ADCY8: variants seen among roughly 807,000 people sequenced by gnomAD.
ADCY8 encodes adenylate cyclase 8, also known as adenylate cyclase type 8.
In ADCY8, 51 loss-of-function variants were observed where a neutral mutation model predicts 119.7. The ratio of observed to expected loss-of-function variants is 0.43; its 90% CI spans 0.34 to 0.54. The LOEUF is 0.54. Among genes scored for constraint, ADCY8 ranks in the 20% least tolerant of loss-of-function variants. ADCY8 has a pLI of 0.03. For missense variants in ADCY8, 1,383 were observed against 1,598.8 expected (o/e 0.87, Z 2.30); for synonymous variants, 665 against 651.0 (o/e 1.02, Z -0.33).
chr8:130,968,315 G>A (rs1276189410), intron 2 of ADCY8, among the ~76,000 whole-genome samples: 4 of 151,946 alleles, frequency 2.6e-5, no homozygotes, highest in South Asian at 4.2e-4. Flanking sequence ...GACTACAGGC[G>A]CCCACCACCA....
chr8:130,928,157 A>C (rs1820528158), intron 5 of ADCY8, among the ~76,000 whole-genome samples: 1 of 152,196 alleles, frequency 6.6e-6, no homozygotes, highest in African/African-American at 2.4e-5. Context: ...CAGCAACCTC[A>C]AATTCCTGGG....
At chr8:130,923,421 G>A (rs932859004) in intron 5 of ADCY8, among the ~76,000 whole-genome samples, 1 of 152,198 alleles carries the variant, frequency 6.6e-6, no homozygotes, top group Non-Finnish European at 1.5e-5. Context: ...TTGGCAGGGT[G>A]ACCCTGCCAC....
intron 12 of ADCY8, among the ~76,000 whole-genome samples, chr8:130,822,537 TC>T (rs1295096751): frequency 1.0e-3 from 19 of 18,440 alleles, no homozygotes; most frequent in East Asian, 1.9e-3. Context: ...AATCCATGAA[TC>T]CATCCATCCA....
chr8:130,886,399 A>G (rs1818984983), intron 7 of ADCY8, among the ~76,000 whole-genome samples: 1 of 152,034 alleles, frequency 6.6e-6, no homozygotes, highest in African/African-American at 2.4e-5. Flanking sequence ...GCCAGAACCA[A>G]TGTTCTGGAG....
chr8:130,917,998 A>C (rs1455590561), intron 5 of ADCY8, among the ~76,000 whole-genome samples: 1 of 152,070 alleles, frequency 6.6e-6, no homozygotes, highest in Non-Finnish European at 1.5e-5. Flanking sequence ...AAAACCCCAA[A>C]CATTCTGGGT....
In ADCY8 at chr8:130,959,535, A is replaced by G. The variant is rs144897068; in HGVS notation, c.1111-7537T>C. Among the ~76,000 whole-genome samples the G allele has an allele frequency of 2.6e-5, 4 of 152,372 alleles. No homozygotes were observed. The East Asian group carries it at 5.8e-4, about 22-fold the overall frequency. ...AGACCAAGCAAGACATGAAGGCTGC[A>G]TGGTCTGGCAGGATAGTTGAGGTAG... On this transcript the variant is annotated intron_variant, in intron 2 of 17. Transcript: ENST00000286355.
At chr8:131,030,618 C>T (rs965612439) in intron 1 of ADCY8, among the ~76,000 whole-genome samples, 2 of 152,124 alleles carry the variant, frequency 1.3e-5, no homozygotes, top group African/African-American at 4.8e-5. Context: ...TCACAAATTC[C>T]CTACCCAAAT....
chr8:130,846,523 C>A (rs1817300942), intron 11 of ADCY8, among the ~76,000 whole-genome samples: 1 of 141,474 alleles, frequency 7.1e-6, no homozygotes, highest in African/African-American at 2.8e-5. Context: ...TCTCTCCCTC[C>A]CTCCCTCCCT....
intron 11 of ADCY8, among the ~76,000 whole-genome samples, chr8:130,842,997 G>C (rs1423684479): frequency 6.6e-6 from 1 of 150,760 alleles, no homozygotes; most frequent in Non-Finnish European, 1.5e-5. Flanking sequence ...AGTAATCTTT[G>C]ATTGGGTGCC....
intron 14 of ADCY8, among the ~76,000 whole-genome samples, chr8:130,813,092 C>T (rs892061903): frequency 4.6e-5 from 7 of 151,970 alleles, no homozygotes; most frequent in Admixed American, 1.3e-4. Context: ...GGATTACAGG[C>T]GCCTGCCCCC....
At chr8:131,027,935 G>T (rs1823871282) in intron 1 of ADCY8, among the ~76,000 whole-genome samples, 1 of 152,196 alleles carries the variant, frequency 6.6e-6, no homozygotes, top group Non-Finnish European at 1.5e-5. Context: ...ATGCTGTAGA[G>T]ACTTAACAGT....
At chr8:130,829,657 TA>T (rs1280151029) in intron 12 of ADCY8, among the ~76,000 whole-genome samples, 2 of 152,182 alleles carry the variant, frequency 1.3e-5, no homozygotes, top group Non-Finnish European at 2.9e-5. Context: ...GTTGGTTGTT[TA>T]AAAAGAAGGA....
At chr8:131,012,541 G>A (rs550364360) in intron 1 of ADCY8, among the ~76,000 whole-genome samples, 89 of 152,344 alleles carry the variant, frequency 5.8e-4, no homozygotes, top group Non-Finnish European at 1.1e-3. Flanking sequence ...GGGGTGCACC[G>A]TGGTGGATCC....
chr8:130,822,192 G>A (rs920363054), intron 12 of ADCY8, among the ~76,000 whole-genome samples: 6 of 152,044 alleles, frequency 3.9e-5, no homozygotes, highest in Admixed American at 2.0e-4. Context: ...AGGAATACAC[G>A]GGAAAAAAAG....
At chr8:130,877,380 C>T (rs148492880) in intron 8 of ADCY8, among the ~76,000 whole-genome samples, 1 of 152,146 alleles carries the variant, frequency 6.6e-6, no homozygotes, top group African/African-American at 2.4e-5. Context: ...TGGACACAAA[C>T]AGAATCCAAA....
chr8:130,982,441 C>T (rs1308999531), intron 2 of ADCY8, among the ~76,000 whole-genome samples: 1 of 152,176 alleles, frequency 6.6e-6, no homozygotes, highest in East Asian at 1.9e-4. Flanking sequence ...AGAAATAGCC[C>T]TAACATTTGT....
At chr8:130,972,325 C>A (rs528860780) in intron 2 of ADCY8, among the ~76,000 whole-genome samples, 1 of 152,292 alleles carries the variant, frequency 6.6e-6, no homozygotes, top group African/African-American at 2.4e-5. Flanking sequence ...TATATGTCCA[C>A]AGTCTGCTGT....
chr8:130,780,729 G>A lies in ADCY8; in HGVS notation c.3417C>T (p.Ile1139=). Residue 1139 remains isoleucine (I), a synonymous_variant, in exon 18 of 18, where the codon ATC becomes ATT. Transcript: ENST00000286355. ...RIQVPEETYL[I]LKDQGFAFDY... ...CAAAGGCAAAGCCCTGGTCCTTCAGGATGAGATAGGTCTCCTCTGGGACTT... is the reference window on the plus strand; with the variant it reads ...CAAAGGCAAAGCCCTGGTCCTTCAGAATGAGATAGGTCTCCTCTGGGACTT... 6.2e-7 allele frequency: 1 copy of A among 1,614,186 alleles called. No homozygotes were observed. Among genetic ancestry groups the A allele is most frequent in the Non-Finnish European group, 8.5e-7 (1 of 1,180,022 alleles).
chr8:130,873,723 C>G (rs1481347658), intron 8 of ADCY8, among the ~76,000 whole-genome samples: 21 of 152,152 alleles, frequency 1.4e-4, no homozygotes, highest in Admixed American at 1.4e-3. Context: ...GCCAGTTTAA[C>G]TCACTAATAT....
Sources: allele counts gnomAD v4.1 joint callset (sites outside exome capture counted in the v4.1 genomes callset), GRCh38; gene constraint gnomAD v4.1.1; transcripts MANE v1.5; gene names NCBI Gene and HGNC (gene_info 2026-07-23, HGNC 2026-07-21).